The following FAT3 variants were observed in gnomAD, a reference collection of about 807,000 sequenced individuals.
FAT3 encodes FAT atypical cadherin 3.
In FAT3, 95 loss-of-function variants were observed where a neutral mutation model predicts 310.2. The ratio of observed to expected loss-of-function variants is 0.31; its 90% CI spans 0.26 to 0.36. The LOEUF (loss-of-function observed/expected upper bound fraction) is 0.36, where lower values mean the gene tolerates loss of function less well. FAT3 is among the 10% of genes least tolerant of loss of function. The pLI, the probability that FAT3 is intolerant of heterozygous loss-of-function variation, is 1.00. For missense variants in FAT3, 5,408 were observed against 5,715.6 expected (o/e 0.95, Z 1.74); for synonymous variants, 2,314 against 2,192.9 (o/e 1.06, Z -1.54).
At chr11:92,526,735 G>A (rs537100214) in intron 3 of FAT3, among the ~76,000 whole-genome samples, 4 of 152,198 alleles carry the variant, frequency 2.6e-5, no homozygotes, top group Admixed American at 6.5e-5. Flanking sequence ...TTTGGCCTAC[G>A]TTGCTAATAA....
chr11:92,659,980 T>C (rs905055904), intron 3 of FAT3, among the ~76,000 whole-genome samples: 1 of 152,202 alleles, frequency 6.6e-6, no homozygotes, highest in African/African-American at 2.4e-5. Flanking sequence ...CTTGTGGTTT[T>C]CGCTTAGCCA....
At chr11:92,761,430 A>G (rs566669440) in intron 4 of FAT3, among the ~76,000 whole-genome samples, 60 of 152,348 alleles carry the variant, frequency 3.9e-4, no homozygotes, top group African/African-American at 1.4e-3. Context: ...GGTTACATTC[A>G]GACTATAGCA....
chr11:92,671,958 T>A (rs1183041275), intron 3 of FAT3, among the ~76,000 whole-genome samples: 2 of 151,826 alleles, frequency 1.3e-5, no homozygotes, highest in Non-Finnish European at 2.9e-5. Context: ...ATACAAAAAA[T>A]AATAATAATA....
At chr11:92,385,148 CA>C (rs1315875781) in intron 2 of FAT3, among the ~76,000 whole-genome samples, 1 of 152,178 alleles carries the variant, frequency 6.6e-6, no homozygotes, top group Non-Finnish European at 1.5e-5. Flanking sequence ...AAAGCAGCAC[CA>C]AGCATCAGCT....
intron 3 of FAT3, among the ~76,000 whole-genome samples, chr11:92,530,301 T>C (rs1954022847): frequency 6.6e-6 from 1 of 152,100 alleles, no homozygotes. Flanking sequence ...TTCTAGGTGA[T>C]GATGATGTTG....
chr11:92,752,350 G>A (rs1945851637), intron 4 of FAT3, among the ~76,000 whole-genome samples: 1 of 152,234 alleles, frequency 6.6e-6, no homozygotes, highest in South Asian at 2.1e-4. Flanking sequence ...ACAAGGCTCT[G>A]CCACTTAAGA....
chr11:92,742,154 G>A (rs899021132), intron 4 of FAT3, among the ~76,000 whole-genome samples: 1 of 152,174 alleles, frequency 6.6e-6, no homozygotes, highest in Admixed American at 6.5e-5. Context: ...GGGTGTGAAA[G>A]AAGACAGATA....
At position 92,621,811 on chromosome 11, in the gene FAT3, T is replaced by C. The variant is rs1191421894; in HGVS notation, c.3608-75573T>C. On this transcript the variant is annotated intron_variant, in intron 3 of 27. Transcript: ENST00000525166. ...TGCTTGTAATAAAAGCCAACCTCAA[T>C]CAATGAATATTCACAGTGTTGTTTT... is the stretch of plus-strand genomic sequence containing the variant. Among the ~76,000 whole-genome samples the C allele has an allele frequency of 2.0e-5, 3 of 152,142 alleles. 1 individual carries two copies. Among genetic ancestry groups the C allele is most frequent in the Admixed American group, 1.3e-4 (2 of 15,264 alleles).
chr11:92,868,843 T>A (rs375954795), intron 22 of FAT3, among the ~76,000 whole-genome samples: 1 of 152,246 alleles, frequency 6.6e-6, no homozygotes, highest in East Asian at 1.9e-4. Context: ...GGAACTATGT[T>A]AATTAAATGG....
At chr11:92,513,077 G>C (rs1399791110) in intron 2 of FAT3, among the ~76,000 whole-genome samples, 1 of 41,022 alleles carries the variant, frequency 2.4e-5, no homozygotes, top group African/African-American at 1.4e-4. Flanking sequence ...AGCCGAGATC[G>C]CGCCACTGCA....
At chr11:92,506,359 G>C (rs915308233) in intron 2 of FAT3, among the ~76,000 whole-genome samples, 2 of 151,996 alleles carry the variant, frequency 1.3e-5, no homozygotes, top group Non-Finnish European at 2.9e-5. Flanking sequence ...CTTATTGTCT[G>C]ACCTAAATTG....
At chr11:92,557,187 T>C (rs1454322887) in intron 3 of FAT3, among the ~76,000 whole-genome samples, 6 of 152,082 alleles carry the variant, frequency 3.9e-5, no homozygotes, top group African/African-American at 1.4e-4. Context: ...TCGGATTTTA[T>C]GGAGGATGTT....
At chr11:92,861,949 A>G (rs866431774) in intron 21 of FAT3, among the ~76,000 whole-genome samples, 7 of 152,222 alleles carry the variant, frequency 4.6e-5, no homozygotes, top group Non-Finnish European at 7.3e-5. Flanking sequence ...AAAGAATTGC[A>G]CAGAGACCTC....
intron 4 of FAT3, among the ~76,000 whole-genome samples, chr11:92,717,690 A>C (rs1027471407): frequency 4.6e-5 from 7 of 152,262 alleles, no homozygotes; most frequent in South Asian, 2.1e-4. Context: ...ATTGTTCTTA[A>C]CTTAAAATTG....
intron 2 of FAT3, among the ~76,000 whole-genome samples, chr11:92,432,281 A>G (rs1950804495): frequency 6.6e-6 from 1 of 152,172 alleles, no homozygotes; most frequent in South Asian, 2.1e-4. Context: ...GAGTTCACTC[A>G]TGATTTGGCT....
chr11:92,863,334 A>G (rs940361172), intron 21 of FAT3, among the ~76,000 whole-genome samples: 1 of 152,212 alleles, frequency 6.6e-6, no homozygotes, highest in Non-Finnish European at 1.5e-5. Flanking sequence ...TGCATTTGCT[A>G]TAACCACATG....
At chr11:92,834,177 C>T (rs1948338254) in intron 14 of FAT3, among the ~76,000 whole-genome samples, 1 of 152,220 alleles carries the variant, frequency 6.6e-6, no homozygotes, top group South Asian at 2.1e-4. Flanking sequence ...CACCAACACC[C>T]AGCTAGCTGC....
At chr11:92,749,656 G>A (rs930608823) in intron 4 of FAT3, among the ~76,000 whole-genome samples, 10 of 152,122 alleles carry the variant, frequency 6.6e-5, no homozygotes, top group African/African-American at 1.7e-4. Context: ...AATACTCAAC[G>A]ATGGGTACCT....
At chr11:92,272,315 A>G (rs970361124) in intron 1 of FAT3, among the ~76,000 whole-genome samples, 2 of 152,080 alleles carry the variant, frequency 1.3e-5, no homozygotes, top group African/African-American at 4.8e-5. Flanking sequence ...GGCTATGCCA[A>G]TTTCTGGTTA....
Sources: allele counts gnomAD v4.1 joint callset (sites outside exome capture counted in the v4.1 genomes callset), GRCh38; gene constraint gnomAD v4.1.1; transcripts MANE v1.5; gene names NCBI Gene and HGNC (gene_info 2026-07-23, HGNC 2026-07-21).